The following ERI3 variants were observed in gnomAD, a reference collection of about 807,000 sequenced individuals.
ERI3 encodes the protein ERI1 exoribonuclease 3.
ERI3 carries 18 observed loss-of-function variants against 44.4 expected under a neutral mutation model. That is an observed-to-expected ratio of 0.41 (90% CI 0.28 to 0.60). The LOEUF is 0.60. ERI3 is among the 20% of genes least tolerant of loss of function. The pLI, the probability that ERI3 is intolerant of heterozygous loss-of-function variation, is 0.36. For missense variants in ERI3, 294 were observed against 435.5 expected (o/e 0.68, Z 2.89); for synonymous variants, 183 against 164.8 (o/e 1.11, Z -0.84).
At chr1:44,276,041 C>T (rs1051850899) in intron 7 of ERI3, among the ~76,000 whole-genome samples, 6 of 152,188 alleles carry the variant, frequency 3.9e-5, no homozygotes, top group Admixed American at 2.6e-4. Context: ...AGAGATCACA[C>T]GGCAAGAGGA....
chr1:44,318,309 G>A (rs1382237612), intron 4 of ERI3, among the ~76,000 whole-genome samples: 3 of 152,206 alleles, frequency 2.0e-5, no homozygotes, highest in African/African-American at 7.2e-5. Context: ...GGCCAGTGGA[G>A]GGCTCAGGTA....
In ERI3 at chr1:44,305,328, T is replaced by C. The variant is rs560280238; in HGVS notation, c.758+2982A>G. Reference sequence around the variant, plus strand: ...GCTAACCCCACCACCATACCAAAGATGGAGCCCTTTGAAAGTGGCACTTTC... The same window carrying C: ...GCTAACCCCACCACCATACCAAAGACGGAGCCCTTTGAAAGTGGCACTTTC... On this transcript the variant is annotated intron_variant, in intron 6 of 8. Coordinates refer to ENST00000372257, the MANE Select transcript of ERI3 (RefSeq NM_024066.3). Among the ~76,000 whole-genome samples the C allele has an allele frequency of 4.6e-5, 7 of 152,292 alleles. No individual in the cohort carries two copies. In the South Asian group the frequency reaches 1.5e-3, roughly 32 times the overall value.
At chr1:44,330,121 T>C (rs1646399317) in intron 3 of ERI3, among the ~76,000 whole-genome samples, 1 of 152,250 alleles carries the variant, frequency 6.6e-6, no homozygotes, top group South Asian at 2.1e-4. Context: ...CTCTGGCTTA[T>C]AACATCTATT....
intron 2 of ERI3, among the ~76,000 whole-genome samples, chr1:44,343,767 T>G (rs563883109): frequency 1.4e-4 from 21 of 152,170 alleles, no homozygotes; most frequent in Non-Finnish European, 2.8e-4. Context: ...TTTTGATGGT[T>G]GTATTTTGAC....
At position 44,239,497 on chromosome 1, in the gene ERI3, G is replaced by A. The variant is rs985016357; in HGVS notation, c.931+8442C>T. Among the ~76,000 whole-genome samples, 15 of 152,194 alleles carry A rather than the reference G, an allele frequency of 9.9e-5. 1 individual carries two copies. The highest frequency in any genetic ancestry group is 9.8e-4 in the Admixed American group (15 of 15,288). ...ATGGTTAATGCAGGCCTGGGATATGGCCCCTAGAGCCCAGAGTCCAGAGCC... is the reference window on the plus strand; with the variant it reads ...ATGGTTAATGCAGGCCTGGGATATGACCCCTAGAGCCCAGAGTCCAGAGCC... On this transcript the variant is annotated intron_variant, in intron 8 of 8. Coordinates refer to ENST00000372257, the MANE Select transcript of ERI3 (RefSeq NM_024066.3).
At chr1:44,247,798 T>C in intron 8 of ERI3, 141 bp downstream of exon 8, 1 of 546,644 alleles carries the variant, frequency 1.8e-6, no homozygotes, top group Admixed American at 3.9e-5. Flanking sequence ...GCCACCCCCC[T>C]TCCACCATCC....
chr1:44,353,732 T>C (rs1572364911), intron 1 of ERI3: 1 of 985,384 alleles, frequency 1.0e-6, no homozygotes, highest in East Asian at 1.1e-4. Context: ...ATGACCTAGC[T>C]AGCTGATTAT....
intron 8 of ERI3, among the ~76,000 whole-genome samples, chr1:44,237,402 T>C (rs1187915001): frequency 6.6e-6 from 1 of 152,144 alleles, no homozygotes; most frequent in Non-Finnish European, 1.5e-5. Context: ...TTCTAGAAAT[T>C]TAAATAGATG....
intron 7 of ERI3, among the ~76,000 whole-genome samples, chr1:44,274,830 T>C (rs1180778838): frequency 6.6e-6 from 1 of 152,118 alleles, no homozygotes; most frequent in African/African-American, 2.4e-5. Flanking sequence ...TCTCTTCTTA[T>C]CCCATGCCTG....
At chr1:44,281,890 G>A (rs1392471258) in intron 7 of ERI3, among the ~76,000 whole-genome samples, 1 of 143,708 alleles carries the variant, frequency 7.0e-6, no homozygotes, top group Non-Finnish European at 1.5e-5. Flanking sequence ...GTGTGTGTGT[G>A]TGTGTGTGTG....
intron 8 of ERI3, among the ~76,000 whole-genome samples, chr1:44,225,258 C>T (rs1282131254): frequency 1.3e-5 from 2 of 152,144 alleles, no homozygotes; most frequent in African/African-American, 2.4e-5. Context: ...TCTACCTCAC[C>T]TTCAAATTCT....
intron 7 of ERI3, among the ~76,000 whole-genome samples, chr1:44,270,168 C>T (rs1645062198): frequency 6.6e-6 from 1 of 152,156 alleles, no homozygotes; most frequent in African/African-American, 2.4e-5. Context: ...AACACACACA[C>T]ACACAAAAGA....
chr1:44,297,201 CA>C (rs1292869536), intron 6 of ERI3, among the ~76,000 whole-genome samples: 1 of 152,034 alleles, frequency 6.6e-6, no homozygotes, highest in Non-Finnish European at 1.5e-5. Context: ...ACAGAACTAT[CA>C]AGTCTGAGTT....
chr1:44,339,147 G>C lies in ERI3; in HGVS notation c.387C>G (p.Gly129=). 1 of 1,614,062 alleles carries C rather than the reference G, an allele frequency of 6.2e-7. No homozygotes were observed. Among genetic ancestry groups the C allele is most frequent in the Non-Finnish European group, 8.5e-7 (1 of 1,180,006 alleles). The change falls in exon 3 of 9, where the codon GGC becomes GGG. Residue 129 remains glycine (G), a synonymous_variant. Transcript: ENST00000372257. ...AGGACACCATTGCCGCCATGGATGC[G>C]CCAAAGCCGTGGGCCGCCAGCTTTC... ...STRKLAAHGF[G]ASMAAMVSFP...
intron 2 of ERI3, among the ~76,000 whole-genome samples, chr1:44,341,655 G>A (rs909821543): frequency 3.9e-5 from 6 of 152,208 alleles, no homozygotes; most frequent in Non-Finnish European, 7.3e-5. Context: ...GGGAGGCTGA[G>A]GCAGAAGTAT....
Position 44,316,919 on chromosome 1 carries a change from C to G in ERI3, c.606+2709G>C, listed in dbSNP as rs138758702. Among the ~76,000 whole-genome samples, 415 of 152,292 alleles carry G rather than the reference C, an allele frequency of 2.7e-3. 3 individuals are homozygous for G. The highest frequency in any genetic ancestry group is 9.5e-3 in the African/African-American group (394 of 41,552). ...AGGAATGAAACACATCCCATCCTAT[C>G]TCTGTCAGAACCACGTCTCCAGGCC... On this transcript the variant is annotated intron_variant, in intron 4 of 8. Transcript: ENST00000372257.
intron 7 of ERI3, among the ~76,000 whole-genome samples, chr1:44,281,601 AATAT>A (rs1553189558): frequency 1.6e-5 from 2 of 128,026 alleles, no homozygotes; most frequent in East Asian, 2.1e-4. Flanking sequence ...AAAAAAAAAA[AATAT>A]ATATATATAT....
chr1:44,280,853 T>A (rs570083408), intron 7 of ERI3, among the ~76,000 whole-genome samples: 4 of 152,336 alleles, frequency 2.6e-5, no homozygotes, highest in Non-Finnish European at 4.4e-5. Context: ...TAGCCTCATC[T>A]CATGCCACTC....
At position 44,270,181 on chromosome 1, in the gene ERI3, C is replaced by A. The variant is rs560275373; in HGVS notation, c.831+14654G>T. On this transcript the variant is annotated intron_variant, in intron 7 of 8. Transcript: ENST00000372257. ...AAAACACACACACACACAAAAGAAA[C>A]CCTGGGACAAGGCAGACTAACTTTA... Among the ~76,000 whole-genome samples the A allele has an allele frequency of 1.6e-3, 243 of 152,210 alleles. 1 individual carries two copies. The highest frequency in any genetic ancestry group is 5.7e-3 in the African/African-American group (236 of 41,542).
Sources: allele counts gnomAD v4.1 joint callset (sites outside exome capture counted in the v4.1 genomes callset), GRCh38; gene constraint gnomAD v4.1.1; transcripts MANE v1.5; gene names NCBI Gene and HGNC (gene_info 2026-07-23, HGNC 2026-07-21).